Variants in TRIM24 observed in about 807,000 individuals in gnomAD.
The protein encoded by TRIM24 is tripartite motif containing 24.
TRIM24 carries 29 observed loss-of-function variants against 123.9 expected under a neutral mutation model. That is an observed-to-expected ratio of 0.23 (90% CI 0.17 to 0.32). The LOEUF (loss-of-function observed/expected upper bound fraction) is 0.32. Among genes scored for constraint, TRIM24 ranks in the 10% least tolerant of loss-of-function variants. TRIM24 has a pLI of 1.00. For missense variants in TRIM24, 932 were observed against 1,295.3 expected, an observed-to-expected ratio of 0.72 and a Z score of 4.31; for synonymous variants, 456 against 461.1, an observed-to-expected ratio of 0.99 and a Z score of 0.14.
rs1554436743 is a variant in TRIM24, at chr7:138,508,724, T to TGTGTGTGTGTGTGC, written c.483+4329_483+4330insCGTGTGTGTGTGTG. Reference sequence around the variant, plus strand: ...GCGTGTGTGCGTGTGTGTGTGCGTGTGTGTGTGTGTGTGTGTGTGTGTCAC... The same window carrying TGTGTGTGTGTGTGC: ...GCGTGTGTGCGTGTGTGTGTGCGTGTGTGTGTGTGTGTGCGTGTGTGTGTGTGTGTGTGTGTCAC... On this transcript the variant is annotated intron_variant, in intron 2 of 18. Coordinates refer to ENST00000343526, the MANE Select transcript of TRIM24 (RefSeq NM_015905.3). 5.2e-3 allele frequency among the ~76,000 whole-genome samples: 766 copies of TGTGTGTGTGTGTGC among 148,698 alleles called. 8 individuals are homozygous for TGTGTGTGTGTGTGC. Among genetic ancestry groups the TGTGTGTGTGTGTGC allele is most frequent in the South Asian group, 0.032 (149 of 4,604 alleles).
chr7:138,490,169 A>G (rs1189973695), intron 1 of TRIM24, among the ~76,000 whole-genome samples: 1 of 151,960 alleles, frequency 6.6e-6, no homozygotes, highest in Non-Finnish European at 1.5e-5. Flanking sequence ...TGCATGCATC[A>G]CCTAGTTCTC....
At chr7:138,464,401 A>G (rs1396832381) in intron 1 of TRIM24, among the ~76,000 whole-genome samples, 1 of 151,932 alleles carries the variant, frequency 6.6e-6, no homozygotes, top group Non-Finnish European at 1.5e-5. Flanking sequence ...AGTAATATCT[A>G]TTACACAAAG....
intron 14 of TRIM24, 69 bp from the exon 15 acceptor site, chr7:138,579,135 C>A: frequency 7.6e-7 from 1 of 1,309,356 alleles, no homozygotes; most frequent in African/African-American, 1.5e-5. Context: ...GAGTGGTCTA[C>A]AGTTCAGAAT....
intron 4 of TRIM24, among the ~76,000 whole-genome samples, chr7:138,524,504 G>A (rs1334928030): frequency 2.0e-5 from 3 of 151,974 alleles, no homozygotes; most frequent in Non-Finnish European, 2.9e-5. Flanking sequence ...TTTCTAACTG[G>A]CAACCCTATT....
Position 138,487,469 on chromosome 7 carries a change from T to C in TRIM24, c.365-16821T>C, listed in dbSNP as rs566974812. 7.2e-5 allele frequency among the ~76,000 whole-genome samples: 11 copies of C among 152,324 alleles called. No homozygotes were observed. In the South Asian group the frequency reaches 2.3e-3, roughly 32 times the overall value. ...CAGTTTTTGCCCATTCAGTATGATA[T>C]TGACTGTGGGTTTGTCATAAATAGC... On this transcript the variant is annotated intron_variant, in intron 1 of 18. Transcript: ENST00000343526.
Position 138,585,775 on chromosome 7 carries a change from A to G in TRIM24, c.*824A>G, listed in dbSNP as rs779533394. The G allele has an allele frequency of 3.8e-6, 2 of 521,886 alleles. No homozygotes were observed. The highest frequency in any genetic ancestry group is 1.9e-5 in the Admixed American group (1 of 51,438). The allele number at this position is 521,886 out of a possible 1,614,324, so 32.3% of individuals were successfully genotyped here. The stretch of plus-strand genomic sequence containing the variant: ...TTGTACAGGTGATCCTTTTACAACA[A>G]GCCTCATTGTTTGCAGTATAGCTTT... On this transcript the variant is annotated 3_prime_UTR_variant, in exon 19 of 19. Transcript: ENST00000343526.
chr7:138,461,949 A>G (rs1794986305), intron 1 of TRIM24, among the ~76,000 whole-genome samples: 1 of 152,190 alleles, frequency 6.6e-6, no homozygotes, highest in Non-Finnish European at 1.5e-5. Context: ...CATTTATTTG[A>G]CTGCATGTTA....
rs745548793 is a variant in TRIM24, at chr7:138,584,789, T to G, written c.2991T>G (p.Phe997Leu). Residue 997 changes from phenylalanine to leucine, a missense_variant, in exon 19 of 19, where the codon TTT (phenylalanine) becomes TTG (leucine). By Grantham distance (22) the Phe-to-Leu change is conservative. Around this residue, in one of 7 missense-constraint regions of TRIM24, gnomAD observed 104 missense variants for 121.5 expected, o/e 0.86. Transcript: ENST00000343526. ...CTGGTATAAAACTTGAAAATTATTTTGAAGAACTTCTAAAGAACCTCTATC... is the reference window on the plus strand; with the variant it reads ...CTGGTATAAAACTTGAAAATTATTTGGAAGAACTTCTAAAGAACCTCTATC... Reference protein sequence around the residue: ...ANAGIKLENYFEELLKNLYPE... With the variant: ...ANAGIKLENYLEELLKNLYPE... The G allele has an allele frequency of 1.2e-6, 2 of 1,612,644 alleles. No homozygotes were observed. The highest frequency in any genetic ancestry group is 2.2e-5 in the East Asian group (1 of 44,850).
chr7:138,471,432 A>G (rs907679519), intron 1 of TRIM24, among the ~76,000 whole-genome samples: 2 of 152,096 alleles, frequency 1.3e-5, no homozygotes, highest in Non-Finnish European at 2.9e-5. Flanking sequence ...CCTCTTTGAC[A>G]TTATGAAACC....
rs146052522 is a variant in TRIM24 at position 138,506,884 on chromosome 7, G to C, written c.483+2476G>C. 4.7e-3 allele frequency among the ~76,000 whole-genome samples: 709 copies of C among 152,232 alleles called. 6 individuals carry two copies. Among genetic ancestry groups the C allele is most frequent in the African/African-American group, 0.016 (665 of 41,538 alleles). On this transcript the variant is annotated intron_variant, in intron 2 of 18. Coordinates refer to ENST00000343526, the MANE Select transcript of TRIM24 (RefSeq NM_015905.3). ...ATGAATTTGAACCAGGCAGTACTTA[G>C]CAAGAGGTAGTGGGAGCTGAATTAG...
At chr7:138,461,158 C>T (rs772925679) in intron 1 of TRIM24, 1 of 709,142 alleles carries the variant, frequency 1.4e-6, no homozygotes, top group Non-Finnish European at 2.6e-6. Context: ...GCCGCTGCTC[C>T]GCATTCTCAA....
At chr7:138,551,287 C>A in intron 8 of TRIM24, 107 bp downstream of exon 8, 1 of 966,616 alleles carries the variant, frequency 1.0e-6, no homozygotes, top group Non-Finnish European at 1.6e-6. Flanking sequence ...CACGGTGGCT[C>A]ACATCTGTAA....
chr7:138,467,027 G>T (rs1440161511), intron 1 of TRIM24, among the ~76,000 whole-genome samples: 1 of 152,072 alleles, frequency 6.6e-6, no homozygotes, highest in African/African-American at 2.4e-5. Context: ...ATTTATTAAA[G>T]ACAGTACTTT....
chr7:138,512,404 G>A (rs543501245), intron 2 of TRIM24, among the ~76,000 whole-genome samples: 18 of 152,248 alleles, frequency 1.2e-4, no homozygotes, highest in East Asian at 9.7e-4. Flanking sequence ...TCTGTACTGC[G>A]CGAGTAGAGG....
chr7:138,576,287 A>ATG, intron 12 of TRIM24, 86 bp from the exon 13 acceptor site: 1 of 1,228,162 alleles, frequency 8.1e-7, no homozygotes. Context: ...CCCAGTTTCA[A>ATG]TGTAGTGCTA....
Position 138,554,093 on chromosome 7 carries a change from G to C in TRIM24, c.1262-605G>C, listed in dbSNP as rs1412059829. On this transcript the variant is annotated intron_variant, in intron 8 of 18. Coordinates refer to ENST00000343526, the MANE Select transcript of TRIM24 (RefSeq NM_015905.3). This position sits in a 1 kb window ranked among gnomAD's most constrained non-coding sequence, Gnocchi z 4.5. ...ATATGGCCTGGATTCCACAGGCTGAGCTGGGGGTTCAGATATTCTTCATTG... is the reference window on the plus strand; with the variant it reads ...ATATGGCCTGGATTCCACAGGCTGACCTGGGGGTTCAGATATTCTTCATTG... 6.6e-6 allele frequency among the ~76,000 whole-genome samples: 1 copy of C among 152,150 alleles called. No individual in the cohort carries two copies. The highest frequency in any genetic ancestry group is 1.5e-5 in the Non-Finnish European group (1 of 68,042).
At position 138,538,782 on chromosome 7, in the gene TRIM24, A is replaced by G; in HGVS notation, c.1122A>G (p.Ala374=). 6.2e-7 allele frequency: 1 copy of G among 1,613,940 alleles called. No individual in the cohort carries two copies. Among genetic ancestry groups the G allele is most frequent in the Non-Finnish European group, 8.5e-7 (1 of 1,179,826 alleles). ...CAGTTTCCAGTGGCAGCAGTACAGC[A>G]TTACTTTATAGCAAACGACTGGTAA... The part of the protein sequence containing the change: ...KWAVSSGSST[A]LLYSKRLITY... The change falls in exon 7 of 19, where the codon GCA becomes GCG. Residue 374 remains alanine (A), a synonymous_variant. Coordinates refer to ENST00000343526, the MANE Select transcript of TRIM24 (RefSeq NM_015905.3).
At chr7:138,526,999 A>G (rs1796624032) in intron 5 of TRIM24, among the ~76,000 whole-genome samples, 1 of 152,116 alleles carries the variant, frequency 6.6e-6, no homozygotes, top group Non-Finnish European at 1.5e-5. Context: ...CTTTTTTCTT[A>G]CTGTTTCACT....
At chr7:138,503,371 A>G (rs1056156985) in intron 1 of TRIM24, among the ~76,000 whole-genome samples, 2 of 152,112 alleles carry the variant, frequency 1.3e-5, no homozygotes, top group African/African-American at 4.8e-5. Flanking sequence ...ATTTTAAAAT[A>G]TAGCTTAATA....
Sources: allele counts gnomAD v4.1 joint callset (sites outside exome capture counted in the v4.1 genomes callset), GRCh38; gene constraint gnomAD v4.1.1; regional missense constraint gnomAD v4.1.1; non-coding constraint Gnocchi (gnomAD v3.1); transcripts MANE v1.5; gene names NCBI Gene and HGNC (gene_info 2026-07-23, HGNC 2026-07-21).